NHS: variants seen among roughly 807,000 people sequenced by gnomAD.
NHS encodes NHS actin remodeling regulator.
In NHS, 5 loss-of-function variants were observed where a neutral mutation model predicts 72.5. The ratio of observed to expected loss-of-function variants is 0.07; its 90% CI spans 0.04 to 0.14. The LOEUF (loss-of-function observed/expected upper bound fraction) is 0.14, where lower values mean the gene tolerates loss of function less well. NHS is among the 10% of genes least tolerant of loss of function. The probability of loss-of-function intolerance (pLI) is 1.00; values close to 1 mark genes in which losing one functional copy is unlikely to be tolerated. For synonymous variants in NHS, 464 were observed against 547.7 expected (o/e 0.85, Z 2.13); for missense variants, 1,072 against 1,355.7 (o/e 0.79, Z 3.29).
chrX:17,453,007 G>A (rs1569257664), intron 1 of NHS, among the ~76,000 whole-genome samples: 1 of 112,042 alleles, frequency 8.9e-6, no homozygotes, highest in African/African-American at 3.2e-5. Context: ...TACCAGGGGC[G>A]GTCCCTGGAT....
intron 1 of NHS, among the ~76,000 whole-genome samples, chrX:17,658,949 T>C (rs905774914): frequency 3.6e-5 from 4 of 112,106 alleles, no homozygotes; most frequent in African/African-American, 1.3e-4. Context: ...AGCCCCAAAT[T>C]TCAGGGTTTA....
chrX:17,645,451 A>G (rs2065901832), intron 1 of NHS, among the ~76,000 whole-genome samples: 1 of 111,820 alleles, frequency 8.9e-6, no homozygotes, highest in African/African-American at 3.3e-5. Flanking sequence ...ACTGCATTCA[A>G]GCATCAGACC....
At chrX:17,552,004 A>G (rs2065339040) in intron 1 of NHS, among the ~76,000 whole-genome samples, 3 of 106,804 alleles carry the variant, frequency 2.8e-5, no homozygotes, top group African/African-American at 9.9e-5. Flanking sequence ...ATCCTCCCAA[A>G]GAGGCATTAT....
At chrX:17,400,766 G>T (rs778718281) in intron 1 of NHS, among the ~76,000 whole-genome samples, 1 of 111,812 alleles carries the variant, frequency 8.9e-6, no homozygotes, top group African/African-American at 3.2e-5. Flanking sequence ...GACATCTTGC[G>T]TTCGCGGATC....
intron 4 of NHS, among the ~76,000 whole-genome samples, chrX:17,720,801 C>G (rs1002541084): frequency 8.9e-6 from 1 of 112,559 alleles, no homozygotes; most frequent in African/African-American, 3.2e-5. Flanking sequence ...CCAGTAACAG[C>G]ATGTGTATTT....
intron 1 of NHS, among the ~76,000 whole-genome samples, chrX:17,617,856 C>G (rs917670118): frequency 8.9e-6 from 1 of 112,121 alleles, no homozygotes; most frequent in Non-Finnish European, 1.9e-5. Flanking sequence ...AATGCTTCAG[C>G]AGCAGTTCAC....
chrX:17,439,548 G>A (rs1763876422), intron 1 of NHS, among the ~76,000 whole-genome samples: 1 of 111,632 alleles, frequency 9.0e-6, no homozygotes, highest in African/African-American at 3.3e-5. Context: ...GTATCTTTCT[G>A]CAGCTTGTTG....
At chrX:17,552,965 G>A (rs1339795675) in intron 1 of NHS, among the ~76,000 whole-genome samples, 1 of 112,845 alleles carries the variant, frequency 8.9e-6, no homozygotes, top group Non-Finnish European at 1.9e-5. Flanking sequence ...TTCCACCAAA[G>A]TTCTCACAGC....
In NHS at chrX:17,734,767, A is replaced by C. The variant is rs1249764012; in HGVS notation, c.*2303A>C. 2 of 112,607 alleles carry C rather than the reference A, an allele frequency of 1.8e-5. No homozygotes were observed. Among genetic ancestry groups the C allele is most frequent in the East Asian group, 5.6e-4 (2 of 3,587 alleles). 9.3% of individuals were successfully genotyped at this position (112,607 alleles called of 1,213,427 possible). A position where few individuals can be genotyped will look rare whatever the true frequency, so the allele number is the denominator to read the frequency against. ...AAAGTACACCTTGCAAAGTTTTAAA[A>C]ATAAAGTTTTTAGGCAAATGCGATA... is the stretch of plus-strand genomic sequence containing the variant. On this transcript the variant is annotated 3_prime_UTR_variant, in exon 9 of 9. Transcript: ENST00000676302.
intron 3 of NHS, among the ~76,000 whole-genome samples, chrX:17,696,323 T>C (rs1394085738): frequency 1.8e-5 from 2 of 111,849 alleles, no homozygotes; most frequent in African/African-American, 3.3e-5. Context: ...TAGGGAAAGG[T>C]AGGGAGAGGA....
chrX:17,547,939 G>A (rs538375170), intron 1 of NHS, among the ~76,000 whole-genome samples: 1 of 111,652 alleles, frequency 9.0e-6, no homozygotes, highest in African/African-American at 3.3e-5. Context: ...AGGCTAGTCC[G>A]GGCTTGTTCA....
At chrX:17,668,957 A>G (rs2066028364) in intron 1 of NHS, among the ~76,000 whole-genome samples, 1 of 111,633 alleles carries the variant, frequency 9.0e-6, no homozygotes, top group Non-Finnish European at 1.9e-5. Context: ...CCATTGTCAG[A>G]GGGGAAAAAA....
intron 1 of NHS, among the ~76,000 whole-genome samples, chrX:17,642,326 T>C (rs1719477556): frequency 8.9e-6 from 1 of 112,328 alleles, no homozygotes; most frequent in Non-Finnish European, 1.9e-5. Context: ...ATAATTAAAA[T>C]AGTGCACATG....
At chrX:17,539,297 C>T (rs761784371) in intron 1 of NHS, among the ~76,000 whole-genome samples, 2 of 110,288 alleles carry the variant, frequency 1.8e-5, no homozygotes, top group Non-Finnish European at 3.8e-5. Context: ...CACAACCACT[C>T]CCTTTCTCTG....
At chrX:17,717,707 A>G (rs959770893) in intron 3 of NHS, among the ~76,000 whole-genome samples, 3 of 112,042 alleles carry the variant, frequency 2.7e-5, no homozygotes, top group Non-Finnish European at 3.8e-5. Flanking sequence ...GAAACCAAGT[A>G]TGGGGGCCTT....
intron 1 of NHS, among the ~76,000 whole-genome samples, chrX:17,399,188 AC>A (rs2064490793): frequency 9.3e-6 from 1 of 107,888 alleles, no homozygotes; most frequent in Admixed American, 1.0e-4. Flanking sequence ...TGCGACCTCC[AC>A]CTCCCGGGTT....
At chrX:17,569,540 T>C (rs1052565294) in intron 1 of NHS, among the ~76,000 whole-genome samples, 1 of 112,139 alleles carries the variant, frequency 8.9e-6, no homozygotes, top group African/African-American at 3.3e-5. Context: ...GTAAATTTGT[T>C]TAAGTTCTTT....
At chrX:17,517,913 G>T (rs1002466532) in intron 1 of NHS, among the ~76,000 whole-genome samples, 5 of 111,864 alleles carry the variant, frequency 4.5e-5, no homozygotes, top group African/African-American at 1.6e-4. Context: ...GCTCTGGTGT[G>T]TCTCATCCAT....
At chrX:17,673,651 C>T (rs182219110) in intron 1 of NHS, among the ~76,000 whole-genome samples, 34 of 111,610 alleles carry the variant, frequency 3.0e-4, no homozygotes, top group African/African-American at 1.0e-3. Context: ...CAGCTCCCTA[C>T]CTGCGCCTCT....
Sources: gnomAD v4.1 joint callset for allele counts (sites outside exome capture counted in the v4.1 genomes callset) on GRCh38, gnomAD v4.1.1 for gene constraint, MANE v1.5 for transcripts, NCBI Gene and HGNC (gene_info 2026-07-23, HGNC 2026-07-21) for gene names.